The following IGHMBP2 variants were observed in gnomAD, a reference collection of about 807,000 sequenced individuals.
IGHMBP2 encodes immunoglobulin mu DNA binding protein 2, also known as DNA-binding protein SMUBP-2.
A neutral mutation model predicts 96.0 loss-of-function variants in IGHMBP2; 81 were observed. The ratio of observed to expected loss-of-function variants is 0.84; its 90% confidence interval spans 0.71 to 1.01. The LOEUF (loss-of-function observed/expected upper bound fraction) is 1.01, where lower values mean the gene tolerates loss of function less well. Ranked by LOEUF, IGHMBP2 falls within the 50% of genes least tolerant of loss-of-function variation. The probability of loss-of-function intolerance (pLI) is 0.00; values close to 1 mark genes in which losing one functional copy is unlikely to be tolerated. For synonymous variants in IGHMBP2, 557 were observed against 548.9 expected, an observed-to-expected ratio of 1.01 and a Z score of -0.21; for missense variants, 1,227 against 1,306.3, an observed-to-expected ratio of 0.94 and a Z score of 0.94.
At chr11:68,907,553 G>A (rs1277046398) in intron 2 of IGHMBP2, among the ~76,000 whole-genome samples, 2 of 152,176 alleles carry the variant, frequency 1.3e-5, no homozygotes, top group Non-Finnish European at 1.5e-5. Flanking sequence ...AAGTGTCTCT[G>A]CCTTGTTTTG....
Position 68,936,737 on chromosome 11 carries a change from C to G in IGHMBP2, c.2257C>G (p.His753Asp). The stretch of plus-strand genomic sequence containing the variant: ...GGAGTTTCCTCCTTCCCTCAATTCC[C>G]ACGACAGGCTGCGGGTCCACCAAAT... The part of the protein sequence containing the change: ...QLEFPPSLNS[H>D]DRLRVHQIAE... The change falls in exon 13 of 15, where the codon CAC becomes GAC. Residue 753 changes from histidine (H) to aspartate (D), a missense_variant. His to Asp is a moderately conservative substitution (Grantham distance 81, BLOSUM62 -1). Around this residue, in one of 3 missense-constraint regions of IGHMBP2, gnomAD observed 703 missense variants for 770.3 expected, o/e 0.91. Transcript: ENST00000255078. 1 of 1,614,086 alleles carries G rather than the reference C, an allele frequency of 6.2e-7. No individual in the cohort carries two copies. The highest frequency in any genetic ancestry group is 8.5e-7 in the Non-Finnish European group (1 of 1,180,048).
In IGHMBP2 at chr11:68,933,384, C is replaced by T. The variant is rs1386510529; in HGVS notation, c.1321C>T (p.Gln441Ter). 6.2e-7 allele frequency: 1 copy of T among 1,613,116 alleles called. No homozygotes were observed. The highest frequency in any genetic ancestry group is 1.1e-5 in the South Asian group (1 of 90,876). ...GARVVRTLTV[Q>*]YRMHQAIMRW... ...GAGGGTGGTGCGGACACTGACGGTG[C>T]AGTACCGCATGCACCAGGCTATCAT... The change falls in exon 9 of 15, where the codon CAG (glutamine) becomes TAG (stop). Residue 441 changes from glutamine (Q) to a stop codon, truncating the protein, a stop_gained. Coordinates refer to ENST00000255078, the MANE Select transcript of IGHMBP2 (RefSeq NM_002180.3). LOFTEE classifies it high-confidence loss of function.
rs1000316810 is a variant in IGHMBP2 at position 68,939,849 on chromosome 11, C to T, written c.*118C>T. On this transcript the variant is annotated 3_prime_UTR_variant, in exon 15 of 15. Transcript: ENST00000255078. The stretch of plus-strand genomic sequence containing the variant: ...AGCGGAGGGGCCTATGGGGGAGGAG[C>T]GGAGGGCCCTGTTGGGGAAGGTTGG... 1.0e-5 allele frequency: 11 copies of T among 1,098,360 alleles called. No homozygotes were observed. Among genetic ancestry groups the T allele is most frequent in the African/African-American group, 7.9e-5 (5 of 63,014 alleles). The allele number at this position is 1,098,360 out of a possible 1,614,324, so 68.0% of individuals were successfully genotyped here.
chr11:68,908,131 C>T lies in IGHMBP2; in HGVS notation c.257-14C>T. ...TCCCCAGTGTCTTGTGTCACTGAGTCTTTGTTTTTGCAGGTGATATCGTGG... is the reference window on the plus strand; with the variant it reads ...TCCCCAGTGTCTTGTGTCACTGAGTTTTTGTTTTTGCAGGTGATATCGTGG... On this transcript the variant is annotated splice_polypyrimidine_tract_variant and intron_variant, in intron 2 of 14. Transcript: ENST00000255078. 1 of 1,611,174 alleles carries T rather than the reference C, an allele frequency of 6.2e-7. No individual in the cohort carries two copies. Among genetic ancestry groups the T allele is most frequent in the Non-Finnish European group, 8.5e-7 (1 of 1,177,860 alleles).
chr11:68,909,795 T>C (rs1594420268), intron 4 of IGHMBP2, among the ~76,000 whole-genome samples: 3 of 151,954 alleles, frequency 2.0e-5, no homozygotes, highest in Admixed American at 1.3e-4. Context: ...GCCCGGCTAA[T>C]TTTTGTATTT....
At position 68,934,441 on chromosome 11, in the gene IGHMBP2, A is replaced by G. The variant is rs1466459623; in HGVS notation, c.1538-23A>G. Reference sequence around the variant, plus strand: ...CACTTGGGGCGACCTTGTGCTGCTCACCCGTTCTTTCTTTCCCTCCAGGCG... The same window carrying G: ...CACTTGGGGCGACCTTGTGCTGCTCGCCCGTTCTTTCTTTCCCTCCAGGCG... On this transcript the variant is annotated intron_variant, in intron 10 of 14. Coordinates refer to ENST00000255078, the MANE Select transcript of IGHMBP2 (RefSeq NM_002180.3). 10 of 1,566,488 alleles carry G rather than the reference A, an allele frequency of 6.4e-6. No homozygotes were observed. In the African/African-American group the frequency reaches 1.4e-4, roughly 21 times the overall value.
chr11:68,933,340 T>G lies in IGHMBP2; in HGVS notation c.1277T>G (p.Leu426Arg), dbSNP rs1555247218. ...CTGTCACTCAGCCTGATGGAACGCC[T>G]GGCTGAGGAGTACGGCGCGAGGGTG... is the stretch of plus-strand genomic sequence containing the variant. ...AGLSLSLMER[L>R]AEEYGARVVR... is the part of the protein sequence containing the mutation. Residue 426 changes from leucine (L) to arginine (R), a missense_variant, in exon 9 of 15, where the codon CTG becomes CGG. Leu to Arg is a moderately radical substitution (Grantham distance 102). This residue lies in a region of IGHMBP2 where 703 missense variants were observed against 770.3 expected (regional missense o/e 0.91). Coordinates refer to ENST00000255078, the MANE Select transcript of IGHMBP2 (RefSeq NM_002180.3). The G allele has an allele frequency of 2.5e-6, 4 of 1,613,094 alleles. No homozygotes were observed. The highest frequency in any genetic ancestry group is 2.5e-6 in the Non-Finnish European group (3 of 1,179,936).
intron 6 of IGHMBP2, among the ~76,000 whole-genome samples, chr11:68,917,063 C>T (rs572101454): frequency 6.7e-6 from 1 of 148,988 alleles, no homozygotes; most frequent in African/African-American, 2.5e-5. Flanking sequence ...TCACTGCAAC[C>T]TCCGCCTCCT....
intron 8 of IGHMBP2, 22 bp from the exon 9 acceptor site, chr11:68,933,277 C>A: frequency 6.2e-7 from 1 of 1,606,618 alleles, no homozygotes; most frequent in South Asian, 1.1e-5. Context: ...CTGCCTTCCC[C>A]CTTTCTCCCT....
chr11:68,930,581 T>G, intron 8 of IGHMBP2: 1 of 1,124,152 alleles, frequency 8.9e-7, no homozygotes, highest in Non-Finnish European at 1.1e-6. Context: ...GGATCTAGAG[T>G]GGAAATGTTA....
intron 7 of IGHMBP2, among the ~76,000 whole-genome samples, chr11:68,921,852 T>A (rs1485085535): frequency 6.6e-6 from 1 of 152,220 alleles, no homozygotes; most frequent in South Asian, 2.1e-4. Context: ...TCTGAAAATA[T>A]CTTGTTTCAC....
At chr11:68,932,120 A>G (rs1037462393) in intron 8 of IGHMBP2, among the ~76,000 whole-genome samples, 2 of 136,706 alleles carry the variant, frequency 1.5e-5, no homozygotes, top group Admixed American at 7.3e-5. Context: ...GTTTCGGGGG[A>G]AGACGTTGGG....
rs778695909 is a variant in IGHMBP2 at position 68,939,719 on chromosome 11, GA to G, written c.2971del (p.Arg991GlyfsTer133). On this transcript the variant is annotated frameshift_variant, in exon 15 of 15. Transcript: ENST00000255078. LOFTEE classifies it high-confidence loss of function. Reference protein sequence around the residue: ...SNQRTSRRKERGT With the variant: ...SNQRTSRRKEXGT ...ACCAGAGGACCAGCCGGAGGAAGGA[GA>G]GGGGGACGTGACCGGCCGCATCCTT... 1.1e-5 allele frequency: 18 copies of G among 1,610,210 alleles called. No homozygotes were observed. The highest frequency in any genetic ancestry group is 1.5e-5 in the Non-Finnish European group (18 of 1,178,906).
chr11:68,925,462 C>A (rs896704568), intron 7 of IGHMBP2, among the ~76,000 whole-genome samples: 5 of 151,970 alleles, frequency 3.3e-5, no homozygotes, highest in Admixed American at 1.3e-4. Context: ...TTCTAATTGG[C>A]TTTGTAGTTA....
intron 14 of IGHMBP2, 52 bp downstream of exon 14, chr11:68,938,406 C>G (rs1859637320): frequency 6.6e-7 from 1 of 1,524,992 alleles, no homozygotes; most frequent in Non-Finnish European, 8.9e-7. Context: ...GTGGTGGGTT[C>G]CGTCTCCAGG....
chr11:68,913,250 G>A (rs1422458674), intron 5 of IGHMBP2, among the ~76,000 whole-genome samples: 1 of 152,066 alleles, frequency 6.6e-6, no homozygotes, highest in East Asian at 1.9e-4. Context: ...AAGAAAAGAT[G>A]ACTTATTGGA....
chr11:68,935,248 G>A (rs1256309366), intron 11 of IGHMBP2, 51 bp from the exon 12 acceptor site: 1 of 1,610,190 alleles, frequency 6.2e-7, no homozygotes, highest in South Asian at 1.1e-5. Flanking sequence ...GCAGGGTCTT[G>A]CTGCGCTGGC....
chr11:68,922,839 TTGCTTA>T (rs1858930693), intron 7 of IGHMBP2, among the ~76,000 whole-genome samples: 1 of 152,256 alleles, frequency 6.6e-6, no homozygotes, highest in Admixed American at 6.5e-5. Flanking sequence ...ACCTTTATAC[TTGCTTA>T]TTGCTGAGTT....
At chr11:68,936,117 G>A in intron 12 of IGHMBP2, 120 bp from the exon 13 acceptor site, 1 of 1,174,804 alleles carries the variant, frequency 8.5e-7, no homozygotes. Flanking sequence ...GCACCCGTGT[G>A]GATGGTGGGC....
Sources: allele counts gnomAD v4.1 joint callset (sites outside exome capture counted in the v4.1 genomes callset), GRCh38; gene constraint gnomAD v4.1.1; regional missense constraint gnomAD v4.1.1; transcripts MANE v1.5; gene names NCBI Gene and HGNC (gene_info 2026-07-23, HGNC 2026-07-21).